ULK4: variants seen among roughly 807,000 people sequenced by gnomAD.
The protein encoded by ULK4 is unc-51 like kinase 4.
Under a neutral mutation model 160.6 loss-of-function variants are expected in ULK4, and 133 were observed. The observed-to-expected ratio is 0.83, with a 90% CI of 0.72 to 0.96. The LOEUF (loss-of-function observed/expected upper bound fraction) is 0.96, where lower values mean the gene tolerates loss of function less well. Ranked by LOEUF, ULK4 falls within the 40% of genes least tolerant of loss-of-function variation. The pLI is 0.00. For missense variants in ULK4, 1,580 were observed against 1,499.5 expected (o/e 1.05, Z -0.89); for synonymous variants, 534 against 539.8 (o/e 0.99, Z 0.15).
chr3:41,943,750 C>T (rs907482935), intron 2 of ULK4, among the ~76,000 whole-genome samples: 1 of 152,168 alleles, frequency 6.6e-6, no homozygotes, highest in Non-Finnish European at 1.5e-5. Context: ...CCTCAACTAT[C>T]CATGCTCCTT....
chr3:41,920,653 T>A (rs1480553000), intron 5 of ULK4, among the ~76,000 whole-genome samples: 2 of 152,238 alleles, frequency 1.3e-5, no homozygotes, highest in East Asian at 3.9e-4. Flanking sequence ...CGCCTCCCAA[T>A]GAGAATCTTT....
intron 35 of ULK4, among the ~76,000 whole-genome samples, chr3:41,271,775 T>C (rs1424587211): frequency 6.6e-6 from 1 of 151,894 alleles, no homozygotes; most frequent in African/African-American, 2.4e-5. Flanking sequence ...TGATTGACAT[T>C]TGGATTGTTT....
intron 31 of ULK4, among the ~76,000 whole-genome samples, chr3:41,602,291 GAAAGGAAAGGAA>G (rs1202610571): frequency 2.4e-4 from 30 of 126,488 alleles, no homozygotes; most frequent in East Asian, 9.9e-4. Context: ...GAAAGGAAAG[GAAAGGAAAGGAA>G]AGGAAAGGAA....
intron 32 of ULK4, among the ~76,000 whole-genome samples, chr3:41,522,409 G>C (rs897862400): frequency 2.7e-4 from 41 of 151,904 alleles, no homozygotes; most frequent in African/African-American, 8.2e-4. Flanking sequence ...CAAAGTGCTG[G>C]GATTTCAGGC....
intron 32 of ULK4, among the ~76,000 whole-genome samples, chr3:41,510,574 T>A (rs1344331919): frequency 6.6e-6 from 1 of 152,218 alleles, no homozygotes; most frequent in Non-Finnish European, 1.5e-5. Context: ...ATGGGCCATA[T>A]GATAAAGCAC....
intron 5 of ULK4, among the ~76,000 whole-genome samples, chr3:41,923,117 G>A (rs575355869): frequency 1.7e-4 from 25 of 150,720 alleles, no homozygotes; most frequent in Non-Finnish European, 7.4e-5. Flanking sequence ...GCACTGAGCC[G>A]AGATCACACC....
At chr3:41,692,844 AC>A (rs2036355854) in intron 27 of ULK4, among the ~76,000 whole-genome samples, 1 of 152,046 alleles carries the variant, frequency 6.6e-6, no homozygotes, top group Admixed American at 6.6e-5. Context: ...AAAAACTAGG[AC>A]CCCCACCCAT....
At chr3:41,795,808 G>C (rs1210586769) in intron 20 of ULK4, among the ~76,000 whole-genome samples, 1 of 152,156 alleles carries the variant, frequency 6.6e-6, no homozygotes, top group African/African-American at 2.4e-5. Flanking sequence ...AGACCATTTA[G>C]CAAGCTACTC....
At chr3:41,867,557 A>AGTTT (rs1297398175) in intron 17 of ULK4, among the ~76,000 whole-genome samples, 4 of 152,220 alleles carry the variant, frequency 2.6e-5, no homozygotes, top group Non-Finnish European at 4.4e-5. Context: ...CTTTCAGTAG[A>AGTTT]CAGGGTTTCT....
intron 21 of ULK4, among the ~76,000 whole-genome samples, chr3:41,773,462 C>T (rs1248441542): frequency 1.3e-5 from 2 of 152,086 alleles, no homozygotes; most frequent in Non-Finnish European, 2.9e-5. Flanking sequence ...GAGTGAACTC[C>T]CATTCACAAT....
intron 30 of ULK4, among the ~76,000 whole-genome samples, chr3:41,628,500 A>G (rs1315976236): frequency 1.3e-5 from 2 of 152,182 alleles, no homozygotes; most frequent in African/African-American, 4.8e-5. Flanking sequence ...CTAATCACGG[A>G]AAAACATGAG....
chr3:41,356,938 TAGAG>T (rs2081042299), intron 35 of ULK4, among the ~76,000 whole-genome samples: 1 of 152,174 alleles, frequency 6.6e-6, no homozygotes, highest in African/African-American at 2.4e-5. Flanking sequence ...ATAGGTGAAA[TAGAG>T]AGGCTCAGGT....
intron 32 of ULK4, among the ~76,000 whole-genome samples, chr3:41,493,688 T>G (rs376785519): frequency 2.7e-5 from 4 of 150,942 alleles, no homozygotes; most frequent in South Asian, 4.2e-4. Flanking sequence ...CTAGCAAGAC[T>G]AATAAACAAA....
intron 35 of ULK4, among the ~76,000 whole-genome samples, chr3:41,304,732 T>G (rs1220340866): frequency 6.6e-6 from 1 of 152,226 alleles, no homozygotes; most frequent in African/African-American, 2.4e-5. Context: ...ACAGCCCTGT[T>G]TCTGCTTCAT....
chr3:41,737,801 C>T (rs983522418), intron 22 of ULK4, among the ~76,000 whole-genome samples: 3 of 151,856 alleles, frequency 2.0e-5, no homozygotes, highest in Non-Finnish European at 2.9e-5. Flanking sequence ...TTATGATGGC[C>T]GGATGATAAA....
intron 32 of ULK4, among the ~76,000 whole-genome samples, chr3:41,509,714 C>G (rs1473621954): frequency 6.6e-6 from 1 of 152,180 alleles, no homozygotes; most frequent in Admixed American, 6.5e-5. Context: ...AATTTTGTAT[C>G]TGGCGAAACT....
At chr3:41,757,873 T>C (rs191040844) in intron 21 of ULK4, among the ~76,000 whole-genome samples, 12 of 152,116 alleles carry the variant, frequency 7.9e-5, no homozygotes, top group African/African-American at 2.9e-4. Flanking sequence ...ATGATCCGCC[T>C]GCCTTGGCCT....
intron 5 of ULK4, among the ~76,000 whole-genome samples, chr3:41,920,289 G>C (rs558868984): frequency 2.0e-5 from 3 of 152,230 alleles, no homozygotes; most frequent in Admixed American, 2.0e-4. Context: ...GTAGCTAACT[G>C]AACACTGGCT....
Position 41,408,371 on chromosome 3 carries a change from T to C in ULK4, c.3493-10107A>G, listed in dbSNP as rs2082338530. The stretch of plus-strand genomic sequence containing the variant: ...TGAACCCAAGAGGTGGAGCTTGCAA[T>C]GAGCCGAGATCGCACCACTGCACTC... On this transcript the variant is annotated intron_variant, in intron 34 of 36. Coordinates refer to ENST00000301831, the MANE Select transcript of ULK4 (RefSeq NM_017886.4). Among the ~76,000 whole-genome samples, 3 of 132,178 alleles carry C rather than the reference T, an allele frequency of 2.3e-5. No homozygotes were observed. The Admixed American group carries it at 2.9e-4, about 13-fold the overall frequency. The allele number at this position is 132,178 out of a possible 152,430, so 86.7% of individuals were successfully genotyped here.
Sources: allele counts gnomAD v4.1 joint callset (sites outside exome capture counted in the v4.1 genomes callset), GRCh38; gene constraint gnomAD v4.1.1; transcripts MANE v1.5; gene names NCBI Gene and HGNC (gene_info 2026-07-23, HGNC 2026-07-21).